EIF4A2: variants seen among roughly 807,000 people sequenced by gnomAD.
EIF4A2 encodes eukaryotic translation initiation factor 4A2.
EIF4A2 carries 9 observed loss-of-function variants against 50.6 expected under a neutral mutation model. The ratio of observed to expected loss-of-function variants is 0.18; its 90% confidence interval spans 0.11 to 0.31. The LOEUF is 0.31. Ranked by LOEUF, EIF4A2 falls within the 10% of genes least tolerant of loss-of-function variation. The pLI, the probability that EIF4A2 is intolerant of heterozygous loss-of-function variation, is 1.00. For synonymous variants in EIF4A2, 215 were observed against 164.4 expected (o/e 1.31, Z -2.35); for missense variants, 182 against 501.8 (o/e 0.36, Z 6.09).
intron 1 of EIF4A2, 192 bp from the exon 2 acceptor site, chr3:186,784,240 G>T (rs931162674): frequency 2.4e-5 from 18 of 764,596 alleles, no homozygotes; most frequent in Admixed American, 2.9e-5. Context: ...GGCCTGGGGG[G>T]CTGCCTTTCC....
chr3:186,783,740 C>T (rs545469568), intron 1 of EIF4A2, 101 bp downstream of exon 1: 10 of 1,579,230 alleles, frequency 6.3e-6, no homozygotes, highest in African/African-American at 2.7e-5. Flanking sequence ...AATTAATGGA[C>T]GTTTTCTTAG....
In EIF4A2 at chr3:186,783,604, T is replaced by G. The variant is rs756552843; in HGVS notation, c.-7T>G. 1.5e-5 allele frequency: 25 copies of G among 1,614,006 alleles called. No homozygotes were observed. The highest frequency in any genetic ancestry group is 5.0e-5 in the Admixed American group (3 of 59,986). On this transcript the variant is annotated 5_prime_UTR_variant, in exon 1 of 11. Transcript: ENST00000323963. ...TTTCAGTCGGGCGCTGAGTGGTTTT[T>G]CGGATCATGTCTGGTGGCTCCGCGG...
intron 6 of EIF4A2, 29 bp downstream of exon 6, chr3:186,786,302 G>C (rs747792520): frequency 1.3e-6 from 2 of 1,592,054 alleles, no homozygotes; most frequent in Non-Finnish European, 8.6e-7. Flanking sequence ...CCCTCTTAAA[G>C]GTAGAGATGG....
intron 10 of EIF4A2, chr3:186,788,351 C>T (rs760764306): frequency 2.6e-5 from 34 of 1,289,630 alleles, no homozygotes; most frequent in Non-Finnish European, 3.2e-5. Flanking sequence ...CACTCAGAAA[C>T]GGCGTTGACG....
In EIF4A2 at chr3:186,784,418, A is replaced by G. The variant is rs1721571856; in HGVS notation, c.30-14A>G. 8.7e-6 allele frequency: 14 copies of G among 1,614,234 alleles called. No homozygotes were observed. Among genetic ancestry groups the G allele is most frequent in the East Asian group, 2.2e-5 (1 of 44,890 alleles). ...CCTGGAAGGGGTGTCTGACTGCAGT[A>G]TTCTTGTCAGCAGAGAACATGGCGG... On this transcript the variant is annotated splice_polypyrimidine_tract_variant and intron_variant, in intron 1 of 10. Transcript: ENST00000323963.
intron 10 of EIF4A2, chr3:186,788,300 A>C (rs1418805695): frequency 7.7e-7 from 1 of 1,291,762 alleles, no homozygotes; most frequent in South Asian, 1.2e-5. Flanking sequence ...AGACTTTTTA[A>C]AAAATACAGG....
Position 186,786,054 on chromosome 3 carries a change from A to G in EIF4A2, c.517+3A>G. The stretch of plus-strand genomic sequence containing the variant: ...TATGTTAAACAGAAGATACCTTTGT[A>G]AGTATTGTCTTTAAGAGAGTATTTT... On this transcript the variant is annotated splice_donor_region_variant and intron_variant, in intron 5 of 10. Coordinates refer to ENST00000323963, the MANE Select transcript of EIF4A2 (RefSeq NM_001967.4). 1 of 1,602,242 alleles carries G rather than the reference A, an allele frequency of 6.2e-7. No individual in the cohort carries two copies.
chr3:186,785,404 T>C, intron 4 of EIF4A2: 1 of 419,256 alleles, frequency 2.4e-6, no homozygotes, highest in African/African-American at 2.0e-5. Context: ...ATGTTACCAT[T>C]TGACTGTCTC....
At chr3:186,786,074 T>C in intron 5 of EIF4A2, 23 bp downstream of exon 5, 3 of 1,599,746 alleles carry the variant, frequency 1.9e-6, no homozygotes, top group African/African-American at 1.3e-5. Flanking sequence ...TTTAAGAGAG[T>C]ATTTTTTTTA....
chr3:186,785,494 A>T, intron 4 of EIF4A2: 1 of 296,612 alleles, frequency 3.4e-6, no homozygotes, highest in Non-Finnish European at 6.3e-6. Flanking sequence ...CCTTCCTAAT[A>T]AAGCTGTAGG....
rs1721639265 is a variant in EIF4A2 at position 186,785,477 on chromosome 3, A to G, written c.348+376A>G. 14 of 306,342 alleles carry G rather than the reference A, an allele frequency of 4.6e-5. No individual in the cohort carries two copies. The South Asian group carries it at 6.6e-4, about 15-fold the overall frequency. 19.0% of individuals were successfully genotyped at this position (306,342 alleles called of 1,614,324 possible). Reference sequence around the variant, plus strand: ...AAAGCTCACTGCTATATTGGCTTTGAAGTAAACCTTCCTAATAAAGCTGTA... The same window carrying G: ...AAAGCTCACTGCTATATTGGCTTTGGAGTAAACCTTCCTAATAAAGCTGTA... On this transcript the variant is annotated intron_variant, in intron 4 of 10. Coordinates refer to ENST00000323963, the MANE Select transcript of EIF4A2 (RefSeq NM_001967.4).
chr3:186,787,395 T>G, intron 8 of EIF4A2, 100 bp from the exon 9 acceptor site: 1 of 1,599,846 alleles, frequency 6.3e-7, no homozygotes, highest in Non-Finnish European at 8.6e-7. Flanking sequence ...TGTCTGCTAT[T>G]CTCCTGTAGC....
intron 7 of EIF4A2, 122 bp from the exon 8 acceptor site, chr3:186,787,005 G>C (rs995920329): frequency 2.1e-6 from 3 of 1,411,562 alleles, no homozygotes; most frequent in Non-Finnish European, 2.0e-6. Flanking sequence ...TGGGCTCTAA[G>C]TGCTAGGATC....
intron 8 of EIF4A2, 89 bp from the exon 9 acceptor site, chr3:186,787,406 A>C: frequency 1.2e-6 from 2 of 1,607,550 alleles, no homozygotes; most frequent in Non-Finnish European, 1.7e-6. Context: ...CTCCTGTAGC[A>C]GCCAGGGACG....
At position 186,788,470 on chromosome 3, in the gene EIF4A2, C is replaced by T. The variant is rs1231868855; in HGVS notation, c.1079+588C>T. ...TCATGATTATTTGATTTTTAAGTTG[C>T]TCCAGCTAAGGCATTTTTTTGTATT... On this transcript the variant is annotated intron_variant, in intron 10 of 10. Coordinates refer to ENST00000323963, the MANE Select transcript of EIF4A2 (RefSeq NM_001967.4). The T allele has an allele frequency of 6.6e-6, 8 of 1,213,932 alleles. No homozygotes were observed. The Admixed American group carries it at 9.8e-5, about 15-fold the overall frequency. 75.2% of individuals were successfully genotyped at this position (1,213,932 alleles called of 1,614,324 possible).
chr3:186,784,349 G>C, intron 1 of EIF4A2, 83 bp from the exon 2 acceptor site: 1 of 1,602,258 alleles, frequency 6.2e-7, no homozygotes, highest in Non-Finnish European at 8.5e-7. Flanking sequence ...AACGTGCTGA[G>C]ACGGGTTGCA....
chr3:186,789,026 GAT>G, intron 10 of EIF4A2, 97 bp from the exon 11 acceptor site: 1 of 1,477,680 alleles, frequency 6.8e-7, no homozygotes, highest in Non-Finnish European at 9.0e-7. Flanking sequence ...CTATAACCTT[GAT>G]AAGTAAACAG....
chr3:186,788,452 T>G (rs1560087026), intron 10 of EIF4A2: 6 of 1,231,436 alleles, frequency 4.9e-6, no homozygotes, highest in Non-Finnish European at 6.2e-6. Context: ...TTGTCATGAT[T>G]ATTTGATTTT....
chr3:186,784,826 C>T (rs747506625), intron 3 of EIF4A2, 130 bp downstream of exon 3: 2 of 1,598,452 alleles, frequency 1.3e-6, no homozygotes, highest in South Asian at 1.1e-5. Flanking sequence ...TCTTTCGGGA[C>T]TGACCTGAAA....
Sources: gnomAD v4.1 joint callset for allele counts on GRCh38, gnomAD v4.1.1 for gene constraint, MANE v1.5 for transcripts, NCBI Gene and HGNC (gene_info 2026-07-23, HGNC 2026-07-21) for gene names.